The following DCLK2 variants were observed in gnomAD, a reference collection of about 807,000 sequenced individuals.
The protein encoded by DCLK2 is doublecortin like kinase 2, also known as serine/threonine-protein kinase DCLK2.
Under a neutral mutation model 78.4 loss-of-function variants are expected in DCLK2, and 31 were observed. The observed-to-expected ratio is 0.40, with a 90% CI of 0.30 to 0.53. DCLK2 has a LOEUF of 0.53. Ranked by LOEUF, DCLK2 falls within the 20% of genes least tolerant of loss-of-function variation. DCLK2 has a pLI of 0.61. For synonymous variants in DCLK2, 407 were observed against 374.9 expected, an observed-to-expected ratio of 1.09 and a Z score of -0.99; for missense variants, 872 against 973.7, an observed-to-expected ratio of 0.90 and a Z score of 1.39.
At chr4:150,097,804 A>G (rs1189210655) in intron 1 of DCLK2, among the ~76,000 whole-genome samples, 1 of 152,180 alleles carries the variant, frequency 6.6e-6, no homozygotes, top group Non-Finnish European at 1.5e-5. Flanking sequence ...CTCTTTGTAT[A>G]TAGTACTCAT....
At chr4:150,098,028 T>C (rs931507994) in intron 1 of DCLK2, among the ~76,000 whole-genome samples, 7 of 152,168 alleles carry the variant, frequency 4.6e-5, no homozygotes, top group Non-Finnish European at 8.8e-5. Context: ...TAAGATACCA[T>C]GTGGTGTCTT....
Position 150,078,882 on chromosome 4 carries a change from G to C in DCLK2, c.-146G>C, listed in dbSNP as rs553753837. The C allele has an allele frequency of 3.6e-6, 4 of 1,097,334 alleles. No individual in the cohort carries two copies. The South Asian group carries it at 6.2e-5, about 17-fold the overall frequency. The allele number at this position is 1,097,334 out of a possible 1,614,324, so 68.0% of individuals were successfully genotyped here. A position where few individuals can be genotyped will look rare whatever the true frequency, so the allele number is the denominator to read the frequency against. On this transcript the variant is annotated 5_prime_UTR_variant, in exon 1 of 16. Transcript: ENST00000296550. ...CGGGTCGGCTCCTCCGCGGCTCCTC[G>C]GCCCCACCTGCGCGGAGAGGGCGGG...
At chr4:150,212,473 T>C (rs1047067717) in intron 5 of DCLK2, among the ~76,000 whole-genome samples, 3 of 152,254 alleles carry the variant, frequency 2.0e-5, no homozygotes, top group Non-Finnish European at 4.4e-5. Flanking sequence ...TAAGACTAGT[T>C]GATAACCTTC....
intron 1 of DCLK2, among the ~76,000 whole-genome samples, chr4:150,089,467 A>C (rs1406051245): frequency 6.6e-6 from 1 of 152,204 alleles, no homozygotes; most frequent in Non-Finnish European, 1.5e-5. Context: ...GTTTATTTAC[A>C]AATATTAGGT....
intron 4 of DCLK2, chr4:150,198,914 C>T: frequency 5.2e-6 from 3 of 573,156 alleles, no homozygotes; most frequent in African/African-American, 3.7e-5. Flanking sequence ...TTCAGCACCC[C>T]CCCCCCCACT....
intron 2 of DCLK2, among the ~76,000 whole-genome samples, chr4:150,116,953 A>G (rs1402762465): frequency 6.6e-6 from 1 of 152,118 alleles, no homozygotes; most frequent in African/African-American, 2.4e-5. Flanking sequence ...TGTTTGCCAT[A>G]TGTTATCCAG....
chr4:150,199,557 C>T (rs1319336102), intron 4 of DCLK2, among the ~76,000 whole-genome samples: 1 of 152,202 alleles, frequency 6.6e-6, no homozygotes, highest in Non-Finnish European at 1.5e-5. Context: ...GTTTCTTATA[C>T]ATACAGGGAA....
chr4:150,222,889 C>T (rs1741305618), intron 7 of DCLK2, among the ~76,000 whole-genome samples: 2 of 151,472 alleles, frequency 1.3e-5, no homozygotes, highest in African/African-American at 2.4e-5. Context: ...AAATCACAAT[C>T]AGCCTACTTT....
At chr4:150,202,716 T>A (rs1465137659) in intron 4 of DCLK2, among the ~76,000 whole-genome samples, 2 of 152,164 alleles carry the variant, frequency 1.3e-5, no homozygotes, top group Non-Finnish European at 2.9e-5. Flanking sequence ...CTCTTTTCTT[T>A]CCAAAAAGAT....
intron 8 of DCLK2, among the ~76,000 whole-genome samples, chr4:150,227,081 C>T (rs72732452): frequency 0.013 from 1,939 of 152,232 alleles, 13 homozygotes; most frequent in Middle Eastern, 0.024. Context: ...GATAAGGAAA[C>T]AGACTCAGAT....
chr4:150,249,514 A>G, intron 14 of DCLK2, 54 bp from the exon 15 acceptor site: 3 of 1,520,482 alleles, frequency 2.0e-6, no homozygotes, highest in East Asian at 2.3e-5. Flanking sequence ...GGAAAAGACA[A>G]CTCAAACGGG....
chr4:150,136,831 C>G (rs188181756), intron 2 of DCLK2, among the ~76,000 whole-genome samples: 289 of 152,230 alleles, frequency 1.9e-3, no homozygotes, highest in Middle Eastern at 6.8e-3. Flanking sequence ...TTTTAAAAAT[C>G]ACAAATTCAT....
intron 5 of DCLK2, among the ~76,000 whole-genome samples, chr4:150,208,695 G>A (rs1740051407): frequency 6.6e-6 from 1 of 152,086 alleles, no homozygotes; most frequent in South Asian, 2.1e-4. Flanking sequence ...AATACCTGGT[G>A]ACAACTTTTC....
chr4:150,175,549 G>A (rs527376826), intron 2 of DCLK2: 1 of 152,040 alleles, frequency 6.6e-6, no homozygotes, highest in South Asian at 2.1e-4. Flanking sequence ...GCAAGTGAGG[G>A]CTGTCCTTCA....
At chr4:150,220,633 G>A (rs556254178) in intron 5 of DCLK2, 70 bp from the exon 6 acceptor site, 2 of 1,285,058 alleles carry the variant, frequency 1.6e-6, no homozygotes, top group African/African-American at 1.5e-5. Context: ...AGCATTTTGT[G>A]TGTCAACGGA....
intron 2 of DCLK2, among the ~76,000 whole-genome samples, chr4:150,135,971 T>A (rs1733658788): frequency 6.6e-6 from 1 of 152,152 alleles, no homozygotes; most frequent in South Asian, 2.1e-4. Flanking sequence ...CCAGTTGCAT[T>A]CACTGACCCA....
intron 2 of DCLK2, among the ~76,000 whole-genome samples, chr4:150,119,221 T>C (rs1048936233): frequency 1.3e-5 from 2 of 152,158 alleles, no homozygotes; most frequent in African/African-American, 2.4e-5. Context: ...TGAATAATGT[T>C]AAATTGGCTA....
At chr4:150,206,901 G>A (rs1739886253) in intron 5 of DCLK2, among the ~76,000 whole-genome samples, 1 of 151,984 alleles carries the variant, frequency 6.6e-6, no homozygotes, top group African/African-American at 2.4e-5. Context: ...ATTTAGTCAG[G>A]TTACTTTACT....
At chr4:150,216,149 T>G (rs10471053) in intron 5 of DCLK2, among the ~76,000 whole-genome samples, 17,948 of 152,210 alleles carry the variant, frequency 0.12, 1,689 homozygotes, top group South Asian at 0.49. Context: ...AATTTCAAAT[T>G]TGAAGAAATT....
Sources: allele counts gnomAD v4.1 joint callset (sites outside exome capture counted in the v4.1 genomes callset), GRCh38; gene constraint gnomAD v4.1.1; transcripts MANE v1.5; gene names NCBI Gene and HGNC (gene_info 2026-07-23, HGNC 2026-07-21).